Variants in PARD3 observed in about 807,000 individuals in gnomAD.
PARD3 encodes partitioning defective 3 homolog.
In PARD3, 75 loss-of-function variants were observed where a neutral mutation model predicts 155.4. The observed-to-expected ratio is 0.48, with a 90% CI of 0.40 to 0.58. PARD3 has a LOEUF of 0.58. PARD3 is among the 20% of genes least tolerant of loss of function. PARD3 has a pLI of 0.00. For missense variants in PARD3, 1,642 were observed against 1,721.7 expected (o/e 0.95, Z 0.82); for synonymous variants, 576 against 610.5 (o/e 0.94, Z 0.83).
intron 2 of PARD3, among the ~76,000 whole-genome samples, chr10:34,550,076 T>C (rs2084414488): frequency 6.6e-6 from 1 of 152,110 alleles, no homozygotes; most frequent in Non-Finnish European, 1.5e-5. Context: ...ACAGGCTCCA[T>C]GAGGTGAATC....
chr10:34,487,435 A>G (rs1011679509), intron 3 of PARD3, among the ~76,000 whole-genome samples: 4 of 152,056 alleles, frequency 2.6e-5, no homozygotes, highest in African/African-American at 7.2e-5. Flanking sequence ...CCATCTTGAG[A>G]TACAGGACTT....
chr10:34,599,388 T>C (rs575259849), intron 2 of PARD3, among the ~76,000 whole-genome samples: 1 of 152,176 alleles, frequency 6.6e-6, no homozygotes, highest in South Asian at 2.1e-4. Flanking sequence ...CAGACATAAA[T>C]CAATAAAATG....
intron 18 of PARD3, among the ~76,000 whole-genome samples, chr10:34,333,896 G>A (rs1489658499): frequency 6.6e-6 from 1 of 151,886 alleles, no homozygotes; most frequent in Admixed American, 6.6e-5. Flanking sequence ...GGATTTCTCA[G>A]CGAAGTTATT....
chr10:34,202,778 C>G (rs1203186869), intron 22 of PARD3, among the ~76,000 whole-genome samples: 1 of 152,200 alleles, frequency 6.6e-6, no homozygotes, highest in African/African-American at 2.4e-5. Flanking sequence ...AAAGAAGGGT[C>G]TAAGTATGTG....
intron 22 of PARD3, among the ~76,000 whole-genome samples, chr10:34,250,752 G>C (rs548073972): frequency 7.9e-5 from 11 of 139,364 alleles, no homozygotes; most frequent in Middle Eastern, 4.0e-3. Flanking sequence ...TATTAACATA[G>C]AACTTATTTT....
chr10:34,687,703 C>A (rs981656368), intron 2 of PARD3, among the ~76,000 whole-genome samples: 4 of 152,122 alleles, frequency 2.6e-5, no homozygotes, highest in African/African-American at 9.7e-5. Context: ...GATATTACAT[C>A]TCTGAATCAC....
intron 20 of PARD3, among the ~76,000 whole-genome samples, chr10:34,304,568 G>A (rs1957310118): frequency 6.6e-6 from 1 of 152,198 alleles, no homozygotes; most frequent in South Asian, 2.1e-4. Context: ...AACCTACCCG[G>A]AAGGGTAAGA....
intron 1 of PARD3, among the ~76,000 whole-genome samples, chr10:34,704,635 G>C (rs1003647280): frequency 2.6e-5 from 4 of 152,136 alleles, no homozygotes; most frequent in African/African-American, 9.7e-5. Context: ...AATATCAAAA[G>C]AACCAGGAGC....
rs149896766 is a variant in PARD3, at chr10:34,579,139, G to C, written c.223-61980C>G. 1.6e-3 allele frequency among the ~76,000 whole-genome samples: 239 copies of C among 152,106 alleles called. 3 individuals are homozygous for C. In the East Asian group the frequency reaches 0.045, roughly 28 times the overall value. On this transcript the variant is annotated intron_variant, in intron 2 of 24. Transcript: ENST00000374788. The stretch of plus-strand genomic sequence containing the variant: ...GCAAAACTTAGACGGGCATGGTGGC[G>C]TGCGCCTGTAATCCCAGCTACTCAG...
intron 1 of PARD3, among the ~76,000 whole-genome samples, chr10:34,740,160 G>A (rs964697425): frequency 3.3e-5 from 5 of 152,168 alleles, no homozygotes; most frequent in Admixed American, 6.5e-5. Context: ...ACTTCAAGAC[G>A]AAAAAGAGGC....
rs1405088382 is a variant in PARD3, at chr10:34,543,236, A to G, written c.223-26077T>C. On this transcript the variant is annotated intron_variant, in intron 2 of 24. Transcript: ENST00000374788. ...CCATGAGCCATAATCGTCCCACTGC[A>G]CTCTAGCCTGGGCGTCAGAGCAAAA... 2.0e-5 allele frequency among the ~76,000 whole-genome samples: 3 copies of G among 152,204 alleles called. No individual in the cohort carries two copies. In the East Asian group the frequency reaches 5.8e-4, roughly 29 times the overall value.
chr10:34,120,183 ATTTTTTTTTT>A (rs57670906), intron 23 of PARD3, among the ~76,000 whole-genome samples: 4 of 113,668 alleles, frequency 3.5e-5, no homozygotes, highest in East Asian at 2.8e-4. Context: ...TGCCTGGCTA[ATTTTTTTTTT>A]TTTTTTTTTT....
intron 24 of PARD3, among the ~76,000 whole-genome samples, chr10:34,113,370 C>T (rs2132631648): frequency 6.6e-6 from 1 of 152,206 alleles, no homozygotes; most frequent in Admixed American, 6.5e-5. Flanking sequence ...ATGGAAATTA[C>T]AACAATGTGG....
intron 23 of PARD3, among the ~76,000 whole-genome samples, chr10:34,128,520 A>G (rs1440799502): frequency 6.6e-6 from 1 of 152,142 alleles, no homozygotes; most frequent in Non-Finnish European, 1.5e-5. Flanking sequence ...CAACAGTGCG[A>G]TATTAGTGCA....
chr10:34,676,862 C>G (rs2093717671), intron 2 of PARD3, among the ~76,000 whole-genome samples: 1 of 152,174 alleles, frequency 6.6e-6, no homozygotes. Flanking sequence ...AAAGATTCTG[C>G]CAACAGAATC....
At chr10:34,573,535 C>T (rs1295347066) in intron 2 of PARD3, among the ~76,000 whole-genome samples, 1 of 152,088 alleles carries the variant, frequency 6.6e-6, no homozygotes, top group Non-Finnish European at 1.5e-5. Flanking sequence ...AACACCATCT[C>T]TACCAAAAGA....
intron 23 of PARD3, among the ~76,000 whole-genome samples, chr10:34,123,465 A>C (rs1361261815): frequency 6.6e-6 from 1 of 152,150 alleles, no homozygotes; most frequent in Non-Finnish European, 1.5e-5. Context: ...TTTTAGAGTC[A>C]GAATCTTGCT....
Position 34,597,422 on chromosome 10 carries a change from T to G in PARD3, c.223-80263A>C, listed in dbSNP as rs552283871. Among the ~76,000 whole-genome samples, 64 of 151,716 alleles carry G rather than the reference T, an allele frequency of 4.2e-4. 1 individual carries two copies. The highest frequency in any genetic ancestry group is 1.4e-3 in the African/African-American group (60 of 41,438). Reference sequence around the variant, plus strand: ...CTTTTTTAACTTTTTAAATTTTTATTTATTTACTATTATTATTATTTTTGA... The same window carrying G: ...CTTTTTTAACTTTTTAAATTTTTATGTATTTACTATTATTATTATTTTTGA... On this transcript the variant is annotated intron_variant, in intron 2 of 24. Transcript: ENST00000374788.
rs115098121 is a variant in PARD3, at chr10:34,561,522, T to A, written c.223-44363A>T. Among the ~76,000 whole-genome samples, 110 of 152,008 alleles carry A rather than the reference T, an allele frequency of 7.2e-4. 1 individual carries two copies. The highest frequency in any genetic ancestry group is 1.9e-3 in the African/African-American group (77 of 41,374). Reference sequence around the variant, plus strand: ...AACGCACATTTATTTTTTTTTAATTTATTTATTTTTTTTTGAGATGGAGTT... The same window carrying A: ...AACGCACATTTATTTTTTTTTAATTAATTTATTTTTTTTTGAGATGGAGTT... On this transcript the variant is annotated intron_variant, in intron 2 of 24. Transcript: ENST00000374788.
Sources: allele counts gnomAD v4.1 joint callset (sites outside exome capture counted in the v4.1 genomes callset), GRCh38; gene constraint gnomAD v4.1.1; transcripts MANE v1.5; gene names NCBI Gene and HGNC (gene_info 2026-07-23, HGNC 2026-07-21).